Variants in WIPI1 observed in about 807,000 individuals in gnomAD.
The protein encoded by WIPI1 is WD repeat domain phosphoinositide-interacting protein 1.
WIPI1 carries 45 observed loss-of-function variants against 55.3 expected under a neutral mutation model. The observed-to-expected ratio is 0.81, with a 90% CI of 0.64 to 1.04. The LOEUF (loss-of-function observed/expected upper bound fraction) is 1.04. Among genes scored for constraint, WIPI1 ranks in the 50% least tolerant of loss-of-function variants. The pLI is 0.00. For missense variants in WIPI1, 445 were observed against 559.0 expected, an observed-to-expected ratio of 0.80 and a Z score of 2.06; for synonymous variants, 195 against 217.6, an observed-to-expected ratio of 0.90 and a Z score of 0.92.
chr17:68,444,422 A>G lies in WIPI1; in HGVS notation c.430+71T>C, dbSNP rs140685764. ...CTGCTTCACGTTCGCAATTTGGAGG[A>G]AAATAAAGCTTGGGAAAGAAGCACC... On this transcript the variant is annotated intron_variant, in intron 4 of 12. Transcript: ENST00000262139. 6.1e-5 allele frequency: 87 copies of G among 1,431,550 alleles called. No individual in the cohort carries two copies. In the East Asian group the frequency reaches 2.0e-3, roughly 32 times the overall value. The allele number at this position is 1,431,550 out of a possible 1,614,324, so 88.7% of individuals were successfully genotyped here. A position where few individuals can be genotyped will look rare whatever the true frequency, so the allele number is the denominator to read the frequency against.
Position 68,433,536 on chromosome 17 carries a change from T to C in WIPI1, c.732A>G (p.Ser244=). The part of the protein sequence containing the change: ...TISSLVFSMD[S]QFLCASSNTE... The stretch of plus-strand genomic sequence containing the variant: ...TGTTACTGGAGGCGCAGAGGAATTG[T>C]GAATCCATACTGAACACTAGAGAGC... The change falls in exon 8 of 13, where the codon TCA becomes TCG. Residue 244 remains serine, a synonymous_variant. Transcript: ENST00000262139. The C allele has an allele frequency of 6.2e-7, 1 of 1,613,994 alleles. No homozygotes were observed. Among genetic ancestry groups the C allele is most frequent in the East Asian group, 2.2e-5 (1 of 44,862 alleles).
Position 68,427,117 on chromosome 17 carries a change from G to A in WIPI1, c.1192+18C>T. ...TCACTGTTGGAGATGCTCCCCTGTT[G>A]GCCCCGTGTCCACCCACCTGGCACC... On this transcript the variant is annotated intron_variant, in intron 11 of 12. Coordinates refer to ENST00000262139, the MANE Select transcript of WIPI1 (RefSeq NM_017983.7). 1.3e-6 allele frequency: 2 copies of A among 1,597,436 alleles called. No individual in the cohort carries two copies. Among genetic ancestry groups the A allele is most frequent in the African/African-American group, 2.7e-5 (2 of 74,516 alleles).
In WIPI1 at chr17:68,457,324, G is replaced by A. The variant is rs1335157356; in HGVS notation, c.80+18C>T. The A allele has an allele frequency of 2.6e-6, 4 of 1,541,974 alleles. No individual in the cohort carries two copies. The South Asian group carries it at 3.6e-5, about 14-fold the overall frequency. On this transcript the variant is annotated intron_variant, in intron 1 of 12. Coordinates refer to ENST00000262139, the MANE Select transcript of WIPI1 (RefSeq NM_017983.7). Reference sequence around the variant, plus strand: ...CTCTGTCCCCCACCTCCCTGGCAGGGGCCGAGTCGCAGCTTACGTGCAGTC... The same window carrying A: ...CTCTGTCCCCCACCTCCCTGGCAGGAGCCGAGTCGCAGCTTACGTGCAGTC...
intron 7 of WIPI1, among the ~76,000 whole-genome samples, 196 bp downstream of exon 7, chr17:68,434,360 A>G (rs573886123): frequency 6.6e-6 from 1 of 152,324 alleles, no homozygotes; most frequent in East Asian, 1.9e-4. Flanking sequence ...GAACTGTGTT[A>G]AAACAGCATC....
At chr17:68,422,762 G>A (rs937195877) in intron 12 of WIPI1, 10 of 149,778 alleles carry the variant, frequency 6.7e-5, no homozygotes, top group Non-Finnish European at 1.2e-4. Context: ...AAAAGGGAAG[G>A]TCAGTTTATA....
At chr17:68,427,633 T>C (rs532792945) in intron 10 of WIPI1, 2 of 177,524 alleles carry the variant, frequency 1.1e-5, no homozygotes, top group Non-Finnish European at 2.4e-5. Flanking sequence ...ATTGTAGACC[T>C]ACCCACACGC....
chr17:68,438,710 C>T (rs1282743020), intron 4 of WIPI1, among the ~76,000 whole-genome samples: 1 of 152,200 alleles, frequency 6.6e-6, no homozygotes, highest in Non-Finnish European at 1.5e-5. Flanking sequence ...AAGCGATTCT[C>T]CTGTCTCAGC....
At chr17:68,439,647 T>A (rs1257951645) in intron 4 of WIPI1, among the ~76,000 whole-genome samples, 2 of 152,198 alleles carry the variant, frequency 1.3e-5, no homozygotes. Flanking sequence ...CAAAAAAGAT[T>A]TTCAAATTTT....
At chr17:68,451,070 G>T (rs897658421) in intron 2 of WIPI1, among the ~76,000 whole-genome samples, 173 bp from the exon 3 acceptor site, 15 of 152,184 alleles carry the variant, frequency 9.9e-5, no homozygotes, top group Admixed American at 5.2e-4. Context: ...CCCCCACCCT[G>T]CCAGGTGGCT....
At chr17:68,449,326 G>A (rs138800524) in intron 3 of WIPI1, among the ~76,000 whole-genome samples, 32 of 152,328 alleles carry the variant, frequency 2.1e-4, no homozygotes, top group South Asian at 8.3e-4. Context: ...CACCAGCACA[G>A]TGCCTGCCTT....
intron 1 of WIPI1, among the ~76,000 whole-genome samples, chr17:68,454,429 C>A (rs560334398): frequency 2.0e-5 from 3 of 152,234 alleles, no homozygotes; most frequent in African/African-American, 7.2e-5. Context: ...TTTTTCCCTA[C>A]CCAGACATTT....
At chr17:68,428,424 G>A (rs1295112985) in intron 10 of WIPI1, 1 of 179,540 alleles carries the variant, frequency 5.6e-6, no homozygotes, top group Non-Finnish European at 1.2e-5. Flanking sequence ...GTATAGATGG[G>A]GTTTCACCAT....
chr17:68,428,993 C>T, intron 9 of WIPI1, 57 bp from the exon 10 acceptor site: 1 of 1,353,528 alleles, frequency 7.4e-7, no homozygotes, highest in Admixed American at 1.8e-5. Context: ...GATGGATTCG[C>T]TTCCAATGAC....
chr17:68,424,871 C>T (rs531157752), intron 12 of WIPI1, among the ~76,000 whole-genome samples: 1 of 152,220 alleles, frequency 6.6e-6, no homozygotes, highest in Admixed American at 6.5e-5. Flanking sequence ...AGCAAGACTC[C>T]GTCTCAAAAA....
chr17:68,426,156 C>T lies in WIPI1; in HGVS notation c.1212G>A (p.Gly404=), dbSNP rs2083160486. 1 of 1,611,728 alleles carries T rather than the reference C, an allele frequency of 6.2e-7. No individual in the cohort carries two copies. The highest frequency in any genetic ancestry group is 1.3e-5 in the African/African-American group (1 of 74,778). ...STVPGYSEDG[G]ALRGEVIPEH... is the part of the protein sequence containing the mutation. ...CAGGAATAACTTCTCCTCGCAGCGC[C>T]CCGCCGTCCTCAGAATAACCTGGAA... is the stretch of plus-strand genomic sequence containing the variant. Residue 404 remains glycine, a synonymous_variant, in exon 12 of 13, where the codon GGG becomes GGA. Transcript: ENST00000262139.
In WIPI1 at chr17:68,433,533, T is replaced by G; in HGVS notation, c.735A>C (p.Gln245His). 6.2e-7 allele frequency: 1 copy of G among 1,613,882 alleles called. No homozygotes were observed. The highest frequency in any genetic ancestry group is 8.5e-7 in the Non-Finnish European group (1 of 1,179,990). Residue 245 changes from glutamine (Q) to histidine (H), a missense_variant, in exon 8 of 13, where the codon CAA becomes CAC. Transcript: ENST00000262139. The stretch of plus-strand genomic sequence containing the variant: ...CGGTGTTACTGGAGGCGCAGAGGAA[T>G]TGTGAATCCATACTGAACACTAGAG... ...ISSLVFSMDS[Q>H]FLCASSNTET... is the part of the protein sequence containing the mutation.
At position 68,427,069 on chromosome 17, in the gene WIPI1, G is replaced by A. The variant is rs117335455; in HGVS notation, c.1192+66C>T. On this transcript the variant is annotated intron_variant, in intron 11 of 12. Coordinates refer to ENST00000262139, the MANE Select transcript of WIPI1 (RefSeq NM_017983.7). ...CAGTGAAGGGGGAAGGGGAGGGAGC[G>A]TGCAGGGAGAAGGGGAGGGAGGTCA... 2.9e-3 allele frequency: 3,882 copies of A among 1,334,586 alleles called. 115 individuals are homozygous for A. The East Asian group carries it at 0.056, about 19-fold the overall frequency. The allele number at this position is 1,334,586 out of a possible 1,614,324, so 82.7% of individuals were successfully genotyped here.
chr17:68,429,095 A>G (rs1600279383), intron 9 of WIPI1, among the ~76,000 whole-genome samples, 159 bp from the exon 10 acceptor site: 2 of 152,180 alleles, frequency 1.3e-5, no homozygotes, highest in Non-Finnish European at 2.9e-5. Flanking sequence ...ATTCCTTTGC[A>G]TTCTGGCCTT....
chr17:68,448,244 C>G (rs969274025), intron 3 of WIPI1: 1 of 152,146 alleles, frequency 6.6e-6, no homozygotes, highest in Non-Finnish European at 1.5e-5. Flanking sequence ...TTGCTTAAAC[C>G]AAAATTTAAG....
Sources: gnomAD v4.1 joint callset for allele counts (sites outside exome capture counted in the v4.1 genomes callset) on GRCh38, gnomAD v4.1.1 for gene constraint, MANE v1.5 for transcripts, NCBI Gene and HGNC (gene_info 2026-07-23, HGNC 2026-07-21) for gene names.